The following PDE1C variants were observed in gnomAD, a reference collection of about 807,000 sequenced individuals.
The protein encoded by PDE1C is dual specificity calcium/calmodulin-dependent 3',5'-cyclic nucleotide phosphodiesterase 1C.
PDE1C carries 62 observed loss-of-function variants against 93.1 expected under a neutral mutation model. The observed-to-expected ratio is 0.67, with a 90% CI of 0.54 to 0.82. The LOEUF (loss-of-function observed/expected upper bound fraction) is 0.82. PDE1C is among the 40% of genes least tolerant of loss of function. The pLI is 0.00. For synonymous variants in PDE1C, 325 were observed against 310.1 expected, an observed-to-expected ratio of 1.05 and a Z score of -0.50; for missense variants, 742 against 884.6, an observed-to-expected ratio of 0.84 and a Z score of 2.04.
intron 14 of PDE1C, among the ~76,000 whole-genome samples, chr7:31,818,676 G>A (rs1788573128): frequency 6.6e-6 from 1 of 152,060 alleles, no homozygotes; most frequent in Admixed American, 6.6e-5. Flanking sequence ...TGAGTAAAAA[G>A]ATGACTATTT....
chr7:32,137,424 G>T (rs141583709), intron 3 of PDE1C, among the ~76,000 whole-genome samples: 165 of 152,248 alleles, frequency 1.1e-3, no homozygotes, highest in African/African-American at 3.8e-3. Flanking sequence ...CATATGCTTC[G>T]CTTAGGTGTC....
chr7:32,246,279 T>A (rs1585022757), intron 1 of PDE1C, among the ~76,000 whole-genome samples: 1 of 152,200 alleles, frequency 6.6e-6, no homozygotes, highest in East Asian at 1.9e-4. Flanking sequence ...ATTCGACGTA[T>A]GAATTTTGAG....
At chr7:31,627,404 TC>T in the PDE1C span, among the ~76,000 whole-genome samples, 1 of 152,244 alleles carries the variant, frequency 6.6e-6, no homozygotes. Context: ...ATGCCTATAA[TC>T]CCAGCTCTTT....
At chr7:31,860,870 T>G (rs1794611670) in intron 7 of PDE1C, among the ~76,000 whole-genome samples, 1 of 152,192 alleles carries the variant, frequency 6.6e-6, no homozygotes, top group Non-Finnish European at 1.5e-5. Context: ...TTTGTCAGAT[T>G]TTTTGGGGGT....
exon 3 of PDE1C, chr7:32,169,856 G>A: frequency 1.2e-6 from 2 of 1,612,560 alleles, no homozygotes; most frequent in Non-Finnish European, 1.7e-6. Flanking sequence ...TCTCCTCTGG[G>A]GGTCGAGGGT....
the PDE1C span, among the ~76,000 whole-genome samples, chr7:31,732,292 A>C: frequency 2.6e-5 from 4 of 152,238 alleles, no homozygotes; most frequent in East Asian, 7.7e-4. Flanking sequence ...CCTGGACATC[A>C]ATGTCCAGTC....
At chr7:32,014,417 T>C (rs540297066) in intron 2 of PDE1C, among the ~76,000 whole-genome samples, 33 of 152,332 alleles carry the variant, frequency 2.2e-4, no homozygotes, top group African/African-American at 6.7e-4. Flanking sequence ...AAGCATACAC[T>C]CTCAAGAACT....
chr7:31,899,766 T>C (rs1198966114), intron 2 of PDE1C, among the ~76,000 whole-genome samples: 4 of 152,176 alleles, frequency 2.6e-5, no homozygotes, highest in Admixed American at 6.5e-5. Context: ...ACCCAGTTCA[T>C]TTTGCCCAAA....
In PDE1C at chr7:32,148,749, G is replaced by A. The variant is rs146610171; in HGVS notation, c.308+21036C>T. On this transcript the variant is annotated intron_variant, in intron 3 of 18. Coordinates refer to the PDE1C transcript ENST00000396193. Reference sequence around the variant, plus strand: ...CCGTATCCCCAGCTCCCAGGTCATTGCTTTGCACATAGTTATTACTCTATA... The same window carrying A: ...CCGTATCCCCAGCTCCCAGGTCATTACTTTGCACATAGTTATTACTCTATA... Among the ~76,000 whole-genome samples the A allele has an allele frequency of 7.1e-3, 1,088 of 152,198 alleles. 20 individuals carry two copies. Among genetic ancestry groups the A allele is most frequent in the African/African-American group, 0.025 (1,028 of 41,526 alleles).
chr7:32,312,548 C>A (rs1367937845), intron 1 of PDE1C, among the ~76,000 whole-genome samples: 1 of 152,010 alleles, frequency 6.6e-6, no homozygotes, highest in Non-Finnish European at 1.5e-5. Context: ...GTACTGGTAC[C>A]AAAACAGAGA....
chr7:31,752,940 A>G lies in PDE1C; in HGVS notation c.*444T>C, dbSNP rs1167341428. 1.2e-4 allele frequency: 19 copies of G among 152,326 alleles called. No individual in the cohort carries two copies. The highest frequency in any genetic ancestry group is 1.2e-3 in the Admixed American group (19 of 15,272). The allele number at this position is 152,326 out of a possible 1,614,324, so 9.4% of individuals were successfully genotyped here. On this transcript the variant is annotated 3_prime_UTR_variant, in exon 18 of 18. Coordinates refer to ENST00000396191, the MANE Select transcript of PDE1C (RefSeq NM_001191057.4). ...AAATAAGTGTATTTACATTTTAAATAGGTGTATTTAAAATTGGAAAATATG... is the reference window on the plus strand; with the variant it reads ...AAATAAGTGTATTTACATTTTAAATGGGTGTATTTAAAATTGGAAAATATG...
chr7:31,854,669 T>C (rs1307077352), intron 7 of PDE1C, among the ~76,000 whole-genome samples: 1 of 152,166 alleles, frequency 6.6e-6, no homozygotes, highest in Non-Finnish European at 1.5e-5. Flanking sequence ...TTAGAGGAGA[T>C]ACTACAAGCA....
intron 3 of PDE1C, among the ~76,000 whole-genome samples, chr7:32,144,273 G>T (rs1800697165): frequency 6.6e-6 from 1 of 152,090 alleles, no homozygotes; most frequent in Non-Finnish European, 1.5e-5. Context: ...TCTCTTCTGT[G>T]CCAGCTTTGT....
intron 1 of PDE1C, among the ~76,000 whole-genome samples, chr7:32,311,129 A>G (rs1279670894): frequency 1.3e-5 from 2 of 152,256 alleles, no homozygotes; most frequent in South Asian, 4.1e-4. Flanking sequence ...AAACACCTCT[A>G]TGCAAATAAA....
chr7:31,818,109 T>C (rs974342711), intron 14 of PDE1C, among the ~76,000 whole-genome samples: 13 of 152,194 alleles, frequency 8.5e-5, no homozygotes, highest in Non-Finnish European at 1.9e-4. Flanking sequence ...CTGATTTAAA[T>C]GTTAAATGTT....
chr7:31,697,202 C>T, the PDE1C span: 94 of 1,508,630 alleles, frequency 6.2e-5, no homozygotes, highest in Middle Eastern at 2.0e-4. Flanking sequence ...AGGGCCTGGC[C>T]GTTGTCCTGC....
chr7:32,054,904 T>G (rs1351970957), intron 1 of PDE1C, among the ~76,000 whole-genome samples: 1 of 152,200 alleles, frequency 6.6e-6, no homozygotes, highest in African/African-American at 2.4e-5. Flanking sequence ...TGGTGAGGCC[T>G]GACTGAGCCC....
At chr7:31,717,855 G>A in the PDE1C span, among the ~76,000 whole-genome samples, 19,652 of 151,932 alleles carry the variant, frequency 0.13, 1,624 homozygotes, top group East Asian at 0.43. Context: ...GGTGATCTCC[G>A]CCCTGGGCCA....
intron 16 of PDE1C, among the ~76,000 whole-genome samples, chr7:31,780,273 A>C (rs1463382878): frequency 6.6e-6 from 1 of 152,152 alleles, no homozygotes; most frequent in African/African-American, 2.4e-5. Context: ...GGGAAGCCTT[A>C]CTTTCTTCTG....
Sources: gnomAD v4.1 joint callset for allele counts (sites outside exome capture counted in the v4.1 genomes callset) on GRCh38, gnomAD v4.1.1 for gene constraint, MANE v1.5 for transcripts, NCBI Gene and HGNC (gene_info 2026-07-23, HGNC 2026-07-21) for gene names.